The following LHFPL2 variants were observed in gnomAD, a reference collection of about 807,000 sequenced individuals.
The protein encoded by LHFPL2 is LHFPL tetraspan subfamily member 2.
In LHFPL2, 7 loss-of-function variants were observed where a neutral mutation model predicts 17.5. That is an observed-to-expected ratio of 0.40 (90% CI 0.23 to 0.75). The LOEUF (loss-of-function observed/expected upper bound fraction) is 0.75, where lower values mean the gene tolerates loss of function less well. LHFPL2 is among the 30% of genes least tolerant of loss of function. LHFPL2 has a pLI of 0.37. For missense variants in LHFPL2, 241 were observed against 294.8 expected (o/e 0.82, Z 1.34); for synonymous variants, 134 against 116.2 (o/e 1.15, Z -0.99).
intron 2 of LHFPL2, among the ~76,000 whole-genome samples, chr5:78,628,534 C>A (rs1040049108): frequency 6.6e-6 from 1 of 152,210 alleles, no homozygotes; most frequent in Non-Finnish European, 1.5e-5. Context: ...CTCAAAGGAG[C>A]AGCAGCCCCT....
In LHFPL2 at chr5:78,632,381, T is replaced by C. The variant is rs1331844819; in HGVS notation, c.-349-13A>G. Reference sequence around the variant, plus strand: ...ATTCCCAACTCACCTGAAAAACAATTGGAAAAAGTCATTTTTATTATTAAC... The same window carrying C: ...ATTCCCAACTCACCTGAAAAACAATCGGAAAAAGTCATTTTTATTATTAAC... On this transcript the variant is annotated splice_polypyrimidine_tract_variant and intron_variant, in intron 1 of 4. Coordinates refer to ENST00000380345, the MANE Select transcript of LHFPL2 (RefSeq NM_005779.3). 3 of 152,154 alleles carry C rather than the reference T, an allele frequency of 2.0e-5. No individual in the cohort carries two copies. Among genetic ancestry groups the C allele is most frequent in the Non-Finnish European group, 4.4e-5 (3 of 68,024 alleles). The allele number at this position is 152,154 out of a possible 1,614,324, so 9.4% of individuals were successfully genotyped here.
chr5:78,638,648 T>C (rs1745551670), intron 1 of LHFPL2, among the ~76,000 whole-genome samples: 1 of 152,196 alleles, frequency 6.6e-6, no homozygotes, highest in South Asian at 2.1e-4. Context: ...CTGCAAAGGC[T>C]GACGCACCCT....
At chr5:78,517,574 G>A (rs534889053) in intron 3 of LHFPL2, among the ~76,000 whole-genome samples, 1 of 152,326 alleles carries the variant, frequency 6.6e-6, no homozygotes, top group African/African-American at 2.4e-5. Flanking sequence ...GGTGAATGAG[G>A]AGCAAAGGTA....
chr5:78,525,351 A>G (rs1465850821), intron 3 of LHFPL2, among the ~76,000 whole-genome samples: 1 of 152,226 alleles, frequency 6.6e-6, no homozygotes. Context: ...ATGAGAGAAT[A>G]CATGTAAAGT....
chr5:78,499,400 A>G (rs944180886), intron 4 of LHFPL2, among the ~76,000 whole-genome samples: 3 of 152,230 alleles, frequency 2.0e-5, no homozygotes, highest in Admixed American at 6.5e-5. Context: ...GATACTACTA[A>G]TATCATTTGA....
chr5:78,556,053 G>C (rs1170129298), intron 3 of LHFPL2, among the ~76,000 whole-genome samples: 1 of 152,152 alleles, frequency 6.6e-6, no homozygotes. Context: ...ATGAGGTGTG[G>C]GTGAGGTGGG....
At chr5:78,558,260 G>C (rs538956470) in intron 3 of LHFPL2, among the ~76,000 whole-genome samples, 1 of 152,092 alleles carries the variant, frequency 6.6e-6, no homozygotes, top group Non-Finnish European at 1.5e-5. Context: ...CGTTATACAG[G>C]GATGATAAGG....
intron 2 of LHFPL2, among the ~76,000 whole-genome samples, chr5:78,601,245 G>A (rs989797880): frequency 7.9e-5 from 12 of 152,188 alleles, no homozygotes; most frequent in African/African-American, 2.9e-4. Flanking sequence ...TCTCTGTGAG[G>A]ATAAAGTAAC....
chr5:78,611,102 A>T (rs1018636807), intron 2 of LHFPL2, among the ~76,000 whole-genome samples: 3 of 152,210 alleles, frequency 2.0e-5, no homozygotes, highest in African/African-American at 7.2e-5. Context: ...TTCTAAGACA[A>T]TTTTGTTTGG....
intron 2 of LHFPL2, among the ~76,000 whole-genome samples, chr5:78,628,270 AC>A (rs1232929245): frequency 6.6e-6 from 1 of 151,986 alleles, no homozygotes; most frequent in Non-Finnish European, 1.5e-5. Flanking sequence ...AGATAAAATG[AC>A]CCCCTGCTCC....
At chr5:78,506,250 C>G (rs930530220) in intron 4 of LHFPL2, among the ~76,000 whole-genome samples, 1 of 152,190 alleles carries the variant, frequency 6.6e-6, no homozygotes, top group Non-Finnish European at 1.5e-5. Context: ...GCTACACAAG[C>G]CTGTGGCCTA....
chr5:78,638,437 C>G (rs1745540107), intron 1 of LHFPL2, among the ~76,000 whole-genome samples: 1 of 152,210 alleles, frequency 6.6e-6, no homozygotes, highest in Non-Finnish European at 1.5e-5. Context: ...ACATTCTCAT[C>G]TGGCTCTAAC....
chr5:78,636,415 C>CA (rs1745452486), intron 1 of LHFPL2, among the ~76,000 whole-genome samples: 1 of 152,208 alleles, frequency 6.6e-6, no homozygotes, highest in African/African-American at 2.4e-5. Context: ...CTGATCCCCC[C>CA]ACACTGACCA....
intron 2 of LHFPL2, among the ~76,000 whole-genome samples, chr5:78,616,821 G>T (rs1314369299): frequency 6.6e-6 from 1 of 152,166 alleles, no homozygotes; most frequent in Non-Finnish European, 1.5e-5. Context: ...GGACTGGTTT[G>T]CATTTCGGCA....
At chr5:78,631,871 G>A (rs982621362) in intron 2 of LHFPL2, among the ~76,000 whole-genome samples, 1 of 151,628 alleles carries the variant, frequency 6.6e-6, no homozygotes, top group African/African-American at 2.4e-5. Flanking sequence ...GGGAGATGGA[G>A]GTTGCAGTGA....
At chr5:78,623,878 A>G (rs1744945106) in intron 2 of LHFPL2, among the ~76,000 whole-genome samples, 1 of 152,228 alleles carries the variant, frequency 6.6e-6, no homozygotes, top group African/African-American at 2.4e-5. Context: ...ACAACAGGAC[A>G]AGCTCATAGA....
intron 3 of LHFPL2, among the ~76,000 whole-genome samples, chr5:78,537,023 T>C (rs537880879): frequency 4.6e-5 from 7 of 152,200 alleles, no homozygotes; most frequent in Non-Finnish European, 1.0e-4. Context: ...TGGTGGCACC[T>C]AGGAGCTTGT....
At chr5:78,562,346 A>G (rs1313397255) in intron 3 of LHFPL2, among the ~76,000 whole-genome samples, 1 of 152,220 alleles carries the variant, frequency 6.6e-6, no homozygotes, top group African/African-American at 2.4e-5. Flanking sequence ...ACCACCTGAC[A>G]TGAAGGCTCA....
At chr5:78,535,837 C>T (rs1206517668) in intron 3 of LHFPL2, among the ~76,000 whole-genome samples, 3 of 152,178 alleles carry the variant, frequency 2.0e-5, no homozygotes, top group South Asian at 2.1e-4. Flanking sequence ...CAACAGGTGC[C>T]GGACTCTGAC....
Sources: gnomAD v4.1 joint callset for allele counts (sites outside exome capture counted in the v4.1 genomes callset) on GRCh38, gnomAD v4.1.1 for gene constraint, MANE v1.5 for transcripts, NCBI Gene and HGNC (gene_info 2026-07-23, HGNC 2026-07-21) for gene names.